ESR1: variants seen among roughly 807,000 people sequenced by gnomAD.
ESR1 encodes the protein estrogen receptor.
ESR1 carries 12 observed loss-of-function variants against 52.7 expected under a neutral mutation model. The ratio of observed to expected loss-of-function variants is 0.23; its 90% CI spans 0.15 to 0.37. The LOEUF (loss-of-function observed/expected upper bound fraction) is 0.37, where lower values mean the gene tolerates loss of function less well. Among genes scored for constraint, ESR1 ranks in the 10% least tolerant of loss-of-function variants. The pLI, the probability that ESR1 is intolerant of heterozygous loss-of-function variation, is 1.00. For synonymous variants in ESR1, 305 were observed against 316.8 expected (o/e 0.96, Z 0.39); for missense variants, 584 against 779.7 (o/e 0.75, Z 2.99).
At chr6:152,113,150 T>G (rs1043194113) in intron 6 of ESR1, 34 of 152,314 alleles carry the variant, frequency 2.2e-4, no homozygotes, top group African/African-American at 7.7e-4. Context: ...CAAATTTTTC[T>G]GTACAGGGCC....
At chr6:152,076,064 A>G (rs1240975194) in intron 6 of ESR1, among the ~76,000 whole-genome samples, 1 of 152,368 alleles carries the variant, frequency 6.6e-6, no homozygotes, top group African/African-American at 2.4e-5. Flanking sequence ...GAAGAAAATA[A>G]TAAATCCAGG....
chr6:151,847,180 G>C (rs147221352), intron 2 of ESR1, among the ~76,000 whole-genome samples: 108 of 152,274 alleles, frequency 7.1e-4, no homozygotes, highest in Non-Finnish European at 1.2e-3. Context: ...CAATGCAGTG[G>C]GGACCTTAGG....
intron 1 of ESR1, among the ~76,000 whole-genome samples, chr6:151,664,919 T>C (rs1777768364): frequency 6.6e-6 from 1 of 152,194 alleles, no homozygotes; most frequent in African/African-American, 2.4e-5. Flanking sequence ...ATTTTATTAT[T>C]ATGACAAGTT....
At chr6:151,850,583 A>G (rs757068463) in intron 2 of ESR1, among the ~76,000 whole-genome samples, 1 of 151,980 alleles carries the variant, frequency 6.6e-6, no homozygotes, top group Non-Finnish European at 1.5e-5. Context: ...AGCTGCACCA[A>G]TATCTCCCAA....
At chr6:152,050,935 T>C (rs2046632406) in intron 5 of ESR1, among the ~76,000 whole-genome samples, 1 of 152,238 alleles carries the variant, frequency 6.6e-6, no homozygotes, top group African/African-American at 2.4e-5. Context: ...ATAGGCACTG[T>C]GGTCTCAGCG....
chr6:151,887,990 T>C (rs1010241405), intron 3 of ESR1, among the ~76,000 whole-genome samples: 2 of 152,216 alleles, frequency 1.3e-5, no homozygotes, highest in Admixed American at 6.5e-5. Context: ...CAAAAATTAA[T>C]TGGCTCTAAA....
At chr6:151,974,303 CA>C (rs1388107831) in intron 4 of ESR1, among the ~76,000 whole-genome samples, 2 of 152,144 alleles carry the variant, frequency 1.3e-5, no homozygotes, top group East Asian at 3.8e-4. Flanking sequence ...CTTGGCTAAG[CA>C]CTTTACATGT....
intron 2 of ESR1, among the ~76,000 whole-genome samples, chr6:151,862,643 A>C (rs1789093772): frequency 6.6e-6 from 1 of 152,216 alleles, no homozygotes; most frequent in East Asian, 1.9e-4. Context: ...TGTGACTATC[A>C]GACCAGAAAC....
chr6:151,848,215 A>G (rs1209163982), intron 2 of ESR1, among the ~76,000 whole-genome samples: 1 of 102,864 alleles, frequency 9.7e-6, no homozygotes, highest in Non-Finnish European at 2.0e-5. Flanking sequence ...ATTCTCAGTA[A>G]ACTATCGCAA....
At chr6:151,947,734 T>G (rs2035868085) in intron 4 of ESR1, among the ~76,000 whole-genome samples, 1 of 152,172 alleles carries the variant, frequency 6.6e-6, no homozygotes, top group African/African-American at 2.4e-5. Flanking sequence ...AGAGTCAAGT[T>G]CCAATCCATA....
At chr6:152,007,862 T>C (rs1237970591) in intron 4 of ESR1, among the ~76,000 whole-genome samples, 2 of 152,106 alleles carry the variant, frequency 1.3e-5, no homozygotes, top group Non-Finnish European at 2.9e-5. Context: ...TTATTATTGG[T>C]GACACTTTCT....
chr6:151,804,971 C>G (rs1479680222), upstream of ESR1: 3 of 152,184 alleles, frequency 2.0e-5, no homozygotes, highest in Non-Finnish European at 2.9e-5. Context: ...CAGTGCAACT[C>G]GAAAGCCTAA....
chr6:151,990,882 A>G (rs921136028), intron 4 of ESR1, among the ~76,000 whole-genome samples: 1 of 152,182 alleles, frequency 6.6e-6, no homozygotes, highest in Non-Finnish European at 1.5e-5. Context: ...TATCTGCTAC[A>G]TATTATATAT....
chr6:151,895,671 T>A (rs774843124), intron 3 of ESR1, among the ~76,000 whole-genome samples: 3 of 152,224 alleles, frequency 2.0e-5, no homozygotes, highest in Non-Finnish European at 4.4e-5. Context: ...TGTTTTTAAT[T>A]TTGTTCAGGT....
rs774675899 is a variant in ESR1, at chr6:151,892,589, C to CTT, written c.760+11835_760+11836dup. Reference sequence around the variant, plus strand: ...GCAGGACTCTGAAAAGATAACTAAGCTTTTTTTTTTTTTTTTTTCTGTTAG... The same window carrying CTT: ...GCAGGACTCTGAAAAGATAACTAAGCTTTTTTTTTTTTTTTTTTTTCTGTTAG... On this transcript the variant is annotated intron_variant, in intron 3 of 7. Transcript: ENST00000206249. Among the ~76,000 whole-genome samples, 656 of 121,748 alleles carry CTT rather than the reference C, an allele frequency of 5.4e-3. 10 individuals are homozygous for CTT. The highest frequency in any genetic ancestry group is 0.017 in the African/African-American group (561 of 33,340). 79.9% of individuals were successfully genotyped at this position (121,748 alleles called of 152,430 possible).
intron 2 of ESR1, among the ~76,000 whole-genome samples, chr6:151,736,672 C>T (rs556988105): frequency 3.9e-5 from 6 of 151,958 alleles, no homozygotes; most frequent in Non-Finnish European, 7.4e-5. Context: ...AGCCACCGCG[C>T]CTGGCCCAGG....
intron 5 of ESR1, among the ~76,000 whole-genome samples, chr6:152,038,563 G>A (rs1469761707): frequency 6.6e-6 from 1 of 151,998 alleles, no homozygotes. Flanking sequence ...AACCAGAAAT[G>A]CACCAATTCC....
At position 151,807,714 on chromosome 6, in the gene ESR1, C is replaced by T; in HGVS notation, c.-199C>T. ...GGAGGGCGTTCGTCCTGGGACTGCA[C>T]TTGCTCCCGTCGGGTCGCCCGGCTT... On this transcript the variant is annotated 5_prime_UTR_variant, in exon 1 of 8. Transcript: ENST00000206249. 2 of 650,246 alleles carry T rather than the reference C, an allele frequency of 3.1e-6. No individual in the cohort carries two copies. The highest frequency in any genetic ancestry group is 5.5e-6 in the Non-Finnish European group (2 of 362,402). The allele number at this position is 650,246 out of a possible 1,614,324, so 40.3% of individuals were successfully genotyped here.
chr6:151,911,752 C>A (rs1798295234), intron 3 of ESR1, among the ~76,000 whole-genome samples: 1 of 152,198 alleles, frequency 6.6e-6, no homozygotes, highest in Admixed American at 6.5e-5. Flanking sequence ...TGCCCTTCCC[C>A]ACACCAGTTA....
Sources: allele counts gnomAD v4.1 joint callset (sites outside exome capture counted in the v4.1 genomes callset), GRCh38; gene constraint gnomAD v4.1.1; transcripts MANE v1.5; gene names NCBI Gene and HGNC (gene_info 2026-07-23, HGNC 2026-07-21).